The following IPO5 variants were observed in gnomAD, a reference collection of about 807,000 sequenced individuals.
The protein encoded by IPO5 is importin-5.
In IPO5, 18 loss-of-function variants were observed where a neutral mutation model predicts 143.3. The observed-to-expected ratio is 0.13, with a 90% CI of 0.09 to 0.19. IPO5 has a LOEUF of 0.19. Ranked by LOEUF, IPO5 falls within the 10% of genes least tolerant of loss-of-function variation. The pLI, the probability that IPO5 is intolerant of heterozygous loss-of-function variation, is 1.00. For synonymous variants in IPO5, 477 were observed against 465.7 expected (o/e 1.02, Z -0.31); for missense variants, 1,013 against 1,336.9 (o/e 0.76, Z 3.78).
intron 7 of IPO5, among the ~76,000 whole-genome samples, chr13:97,989,577 T>A (rs1012477878): frequency 6.6e-6 from 1 of 152,210 alleles, no homozygotes; most frequent in Non-Finnish European, 1.5e-5. Context: ...TTTTATAATA[T>A]GTTAAGAAAC....
intron 2 of IPO5, among the ~76,000 whole-genome samples, chr13:97,967,144 G>GA (rs2139529777): frequency 6.6e-6 from 1 of 152,204 alleles, no homozygotes; most frequent in South Asian, 2.1e-4. Context: ...CGTTTTTCTA[G>GA]AAATGTGTCC....
chr13:97,993,490 T>A (rs1887968827), intron 11 of IPO5, among the ~76,000 whole-genome samples: 1 of 152,210 alleles, frequency 6.6e-6, no homozygotes, highest in Non-Finnish European at 1.5e-5. Flanking sequence ...ATCATTTATA[T>A]GTTAATATTG....
At chr13:98,015,119 A>G (rs1890030151) in intron 22 of IPO5, among the ~76,000 whole-genome samples, 1 of 152,066 alleles carries the variant, frequency 6.6e-6, no homozygotes, top group African/African-American at 2.4e-5. Context: ...TTTTCCAAAG[A>G]CAGCATGCTT....
At chr13:98,007,832 G>A (rs1889397886) in intron 17 of IPO5, among the ~76,000 whole-genome samples, 1 of 152,176 alleles carries the variant, frequency 6.6e-6, no homozygotes, top group Non-Finnish European at 1.5e-5. Flanking sequence ...GATGCCATTA[G>A]AAGTACCTTT....
chr13:97,979,661 A>G (rs573084276), intron 4 of IPO5, among the ~76,000 whole-genome samples: 41 of 152,320 alleles, frequency 2.7e-4, no homozygotes, highest in African/African-American at 9.4e-4. Flanking sequence ...GGTTCTCCAT[A>G]CAGAATTTGT....
intron 18 of IPO5, 33 bp downstream of exon 18, chr13:98,008,175 C>A: frequency 7.8e-7 from 1 of 1,283,954 alleles, no homozygotes; most frequent in Non-Finnish European, 1.1e-6. Context: ...CTTTGATCCG[C>A]TAATGAGTTG....
intron 5 of IPO5, among the ~76,000 whole-genome samples, chr13:97,983,300 AT>A (rs1887013217): frequency 6.6e-6 from 1 of 152,328 alleles, no homozygotes. Flanking sequence ...ATCTTTAAAA[AT>A]TTATGCTTAT....
At position 97,968,520 on chromosome 13, in the gene IPO5, T is replaced by C. The variant is rs150979348; in HGVS notation, c.-112-1203T>C. 7.2e-4 allele frequency among the ~76,000 whole-genome samples: 109 copies of C among 152,240 alleles called. 2 individuals are homozygous for C. In the East Asian group the frequency reaches 0.019, roughly 27 times the overall value. ...GTTGAATTATCTATTTCTCCCTTAA[T>C]TCTGTCAGGTTTTGCTTTATGTATT... On this transcript the variant is annotated intron_variant, in intron 2 of 28. Coordinates refer to ENST00000651721, the MANE Select transcript of IPO5 (RefSeq NM_002271.6).
At chr13:97,977,907 G>A (rs997305005) in intron 4 of IPO5, among the ~76,000 whole-genome samples, 5 of 152,124 alleles carry the variant, frequency 3.3e-5, no homozygotes, top group African/African-American at 1.2e-4. Context: ...TTTACATATA[G>A]CCAATGAAAT....
At chr13:98,019,049 G>A (rs760808224) in intron 26 of IPO5, among the ~76,000 whole-genome samples, 1 of 151,872 alleles carries the variant, frequency 6.6e-6, no homozygotes, top group Admixed American at 6.6e-5. Context: ...TCCGCCTCCC[G>A]GGTTCGAGCA....
intron 25 of IPO5, among the ~76,000 whole-genome samples, chr13:98,017,998 A>G (rs1407663382): frequency 6.6e-6 from 1 of 152,096 alleles, no homozygotes; most frequent in Non-Finnish European, 1.5e-5. Context: ...TATATTATAA[A>G]TTAGCAGCTA....
Position 97,976,743 on chromosome 13 carries a change from GA to G in IPO5, c.50del (p.Asn17ThrfsTer50). The G allele has an allele frequency of 7.1e-7, 1 of 1,417,182 alleles. No homozygotes were observed. The highest frequency in any genetic ancestry group is 9.4e-7 in the Non-Finnish European group (1 of 1,061,424). 87.8% of individuals were successfully genotyped at this position (1,417,182 alleles called of 1,614,324 possible). ...CAGCAACAGTTCTACCTGCTCCTGGGAAACCTGCTCAGCCCCGACAATGTGG... is the reference window on the plus strand; with the variant it reads ...CAGCAACAGTTCTACCTGCTCCTGGGAACCTGCTCAGCCCCGACAATGTGG... ...AEQQQFYLLLGNLLSPDNVVR... is the reference protein window; with the variant it reads ...AEQQQFYLLLXNLLSPDNVVR... On this transcript the variant is annotated frameshift_variant, in exon 4 of 29. Coordinates refer to ENST00000651721, the MANE Select transcript of IPO5 (RefSeq NM_002271.6). LOFTEE classifies it high-confidence loss of function.
intron 2 of IPO5, among the ~76,000 whole-genome samples, chr13:97,956,207 C>T (rs770634394): frequency 2.0e-5 from 3 of 151,266 alleles, no homozygotes; most frequent in Non-Finnish European, 4.4e-5. Flanking sequence ...TTTCAAAAGG[C>T]CAGTAAGGAA....
chr13:97,984,780 CTTGAT>C (rs1751812681), intron 5 of IPO5, among the ~76,000 whole-genome samples: 1 of 151,976 alleles, frequency 6.6e-6, no homozygotes, highest in African/African-American at 2.4e-5. Flanking sequence ...AGCTTATTGG[CTTGAT>C]TTGATAAAAT....
At position 98,006,192 on chromosome 13, in the gene IPO5, C is replaced by G; in HGVS notation, c.1560C>G (p.Ala520=). 1 of 1,613,702 alleles carries G rather than the reference C, an allele frequency of 6.2e-7. No individual in the cohort carries two copies. The highest frequency in any genetic ancestry group is 8.5e-7 in the Non-Finnish European group (1 of 1,179,870). The change falls in exon 17 of 29, where the codon GCC becomes GCG. Residue 520 remains alanine, a synonymous_variant. Transcript: ENST00000651721. ...TTGTGACATCCATTGCATCAGTTGCCGATACTGCAGAAGAAAAATTTGTCC... is the reference window on the plus strand; with the variant it reads ...TTGTGACATCCATTGCATCAGTTGCGGATACTGCAGAAGAAAAATTTGTCC... ...EQVVTSIASV[A]DTAEEKFVPY...
intron 3 of IPO5, among the ~76,000 whole-genome samples, chr13:97,972,980 A>C (rs1001592539): frequency 6.6e-6 from 1 of 151,946 alleles, no homozygotes; most frequent in African/African-American, 2.4e-5. Flanking sequence ...GGAAATAAAT[A>C]AATCTATAAT....
chr13:97,957,146 TGGGA>T (rs1028678450), intron 2 of IPO5, among the ~76,000 whole-genome samples: 12 of 152,058 alleles, frequency 7.9e-5, no homozygotes, highest in African/African-American at 2.7e-4. Context: ...TAGATTAAGA[TGGGA>T]GGAAGATGGT....
At chr13:97,956,000 C>T (rs1884428261) in intron 2 of IPO5, among the ~76,000 whole-genome samples, 1 of 151,832 alleles carries the variant, frequency 6.6e-6, no homozygotes, top group Non-Finnish European at 1.5e-5. Flanking sequence ...GGCGTGGTGG[C>T]GGGCACCTGT....
intron 7 of IPO5, 74 bp from the exon 8 acceptor site, chr13:97,990,052 A>C: frequency 3.4e-6 from 3 of 878,676 alleles, no homozygotes; most frequent in Non-Finnish European, 5.6e-6. Flanking sequence ...ACAGTTCATT[A>C]GAGATTCTAG....
Sources: gnomAD v4.1 joint callset for allele counts (sites outside exome capture counted in the v4.1 genomes callset) on GRCh38, gnomAD v4.1.1 for gene constraint, MANE v1.5 for transcripts, NCBI Gene and HGNC (gene_info 2026-07-23, HGNC 2026-07-21) for gene names.